The following GRM7 variants were observed in gnomAD, a reference collection of about 807,000 sequenced individuals.
GRM7 encodes the protein metabotropic glutamate receptor 7.
In GRM7, 35 loss-of-function variants were observed where a neutral mutation model predicts 84.5. The observed-to-expected ratio is 0.41, with a 90% CI of 0.32 to 0.55. GRM7 has a LOEUF of 0.55. GRM7 is among the 20% of genes least tolerant of loss of function. The pLI is 0.19. For synonymous variants in GRM7, 487 were observed against 455.1 expected, an observed-to-expected ratio of 1.07 and a Z score of -0.89; for missense variants, 1,003 against 1,194.6, an observed-to-expected ratio of 0.84 and a Z score of 2.36.
At chr3:7,168,488 AC>A (rs1694878769) in intron 2 of GRM7, among the ~76,000 whole-genome samples, 1 of 152,182 alleles carries the variant, frequency 6.6e-6, no homozygotes, top group Non-Finnish European at 1.5e-5. Flanking sequence ...TGCAAGGTAC[AC>A]CAAGAAGGTG....
intron 8 of GRM7, among the ~76,000 whole-genome samples, chr3:7,676,848 T>C (rs1363875113): frequency 6.6e-6 from 1 of 152,216 alleles, no homozygotes. Context: ...CCTAGGACTT[T>C]AGTAGACTAT....
chr3:7,417,618 G>A (rs951666472), intron 5 of GRM7, among the ~76,000 whole-genome samples: 6 of 152,198 alleles, frequency 3.9e-5, no homozygotes, highest in Admixed American at 3.3e-4. Context: ...GAAGATCTGC[G>A]CTGTGAATAC....
intron 7 of GRM7, among the ~76,000 whole-genome samples, chr3:7,558,950 G>C (rs1040451673): frequency 6.6e-6 from 1 of 152,082 alleles, no homozygotes; most frequent in African/African-American, 2.4e-5. Context: ...AACCAGCAAA[G>C]TGGCTAATTT....
intron 9 of GRM7, among the ~76,000 whole-genome samples, chr3:7,715,916 C>A (rs893155190): frequency 2.0e-5 from 3 of 152,140 alleles, no homozygotes; most frequent in African/African-American, 7.2e-5. Context: ...CTCATTTCCA[C>A]CTCCTCCTAA....
At chr3:7,069,514 G>A (rs550544293) in intron 1 of GRM7, among the ~76,000 whole-genome samples, 43 of 152,224 alleles carry the variant, frequency 2.8e-4, no homozygotes, top group Non-Finnish European at 4.9e-4. Flanking sequence ...AGAGCAAGGT[G>A]AGAATTAAGG....
intron 7 of GRM7, among the ~76,000 whole-genome samples, chr3:7,567,843 T>C (rs1056436132): frequency 2.0e-5 from 3 of 149,648 alleles, no homozygotes; most frequent in Non-Finnish European, 4.4e-5. Context: ...GTGAGAGGGT[T>C]TTCAAAATGA....
At chr3:7,299,663 A>G (rs1475906059) in intron 3 of GRM7, among the ~76,000 whole-genome samples, 2 of 152,186 alleles carry the variant, frequency 1.3e-5, no homozygotes, top group African/African-American at 4.8e-5. Flanking sequence ...CACAAATGGT[A>G]GCATGTTGTG....
intron 1 of GRM7, among the ~76,000 whole-genome samples, chr3:6,987,499 C>T (rs964458789): frequency 4.0e-5 from 6 of 151,894 alleles, no homozygotes; most frequent in Non-Finnish European, 7.4e-5. Flanking sequence ...GTTGTGACTT[C>T]GGTAATGAGA....
At chr3:7,112,559 A>G (rs116137023) in intron 1 of GRM7, among the ~76,000 whole-genome samples, 273 of 152,188 alleles carry the variant, frequency 1.8e-3, no homozygotes, top group African/African-American at 6.1e-3. Context: ...TCACATTTTT[A>G]TATCTCTGAC....
intron 1 of GRM7, among the ~76,000 whole-genome samples, chr3:7,140,079 T>C (rs546717723): frequency 1.2e-3 from 175 of 152,102 alleles, no homozygotes; most frequent in African/African-American, 4.2e-3. Flanking sequence ...AGCAAGGAAA[T>C]GCAAATCAAG....
intron 4 of GRM7, among the ~76,000 whole-genome samples, chr3:7,378,751 A>C (rs2324123): frequency 9.9e-5 from 15 of 151,988 alleles, no homozygotes; most frequent in Non-Finnish European, 2.1e-4. Context: ...TTTATTATGA[A>C]GACCCCCATG....
At chr3:7,597,472 C>T (rs766822321) in intron 8 of GRM7, among the ~76,000 whole-genome samples, 9 of 152,096 alleles carry the variant, frequency 5.9e-5, no homozygotes, top group Non-Finnish European at 8.8e-5. Context: ...ACACAAAAAC[C>T]GGCTATAAAT....
At chr3:7,580,420 A>T (rs1375402381) in intron 8 of GRM7, among the ~76,000 whole-genome samples, 5 of 152,188 alleles carry the variant, frequency 3.3e-5, no homozygotes, top group Non-Finnish European at 7.3e-5. Context: ...CAGGGACTCA[A>T]ATGGGAAAAA....
Position 7,350,094 on chromosome 3 carries a change from C to T in GRM7, c.1033+43442C>T, listed in dbSNP as rs115643092. Among the ~76,000 whole-genome samples, 354 of 152,242 alleles carry T rather than the reference C, an allele frequency of 2.3e-3. 4 individuals carry two copies. The highest frequency in any genetic ancestry group is 8.1e-3 in the African/African-American group (338 of 41,568). ...ATTGACCCTTGCGTAAGTACCTAAT[C>T]ACAAAACATAAGGACAATGTTGTTT... On this transcript the variant is annotated intron_variant, in intron 4 of 9. Coordinates refer to ENST00000357716, the MANE Select transcript of GRM7 (RefSeq NM_000844.4).
At chr3:7,426,095 G>GTTCTTTCTTTCTTTCT (rs144628224) in intron 5 of GRM7, among the ~76,000 whole-genome samples, 6 of 150,552 alleles carry the variant, frequency 4.0e-5, no homozygotes, top group East Asian at 2.0e-4. Flanking sequence ...CATATCATAC[G>GTTCTTTCTTTCTTTCT]TTCTTTCTTT....
chr3:7,195,153 T>A (rs576057000), intron 2 of GRM7, among the ~76,000 whole-genome samples: 2 of 152,304 alleles, frequency 1.3e-5, no homozygotes, highest in South Asian at 4.1e-4. Context: ...ACCCCAATAT[T>A]GTTCATGCTA....
intron 4 of GRM7, among the ~76,000 whole-genome samples, chr3:7,339,748 G>A (rs1427384181): frequency 6.6e-6 from 1 of 152,056 alleles, no homozygotes; most frequent in Non-Finnish European, 1.5e-5. Context: ...GTGCTTTGCT[G>A]AATGCTCTCT....
At chr3:7,015,792 T>TGG (rs1347326652) in intron 1 of GRM7, among the ~76,000 whole-genome samples, 1 of 152,308 alleles carries the variant, frequency 6.6e-6, no homozygotes, top group East Asian at 1.9e-4. Flanking sequence ...CCTTACAACA[T>TGG]GGCTTCTCCC....
chr3:7,100,016 G>T (rs1574903676), intron 1 of GRM7, among the ~76,000 whole-genome samples: 2 of 147,746 alleles, frequency 1.4e-5, no homozygotes, highest in South Asian at 4.2e-4. Context: ...GTACATATAT[G>T]TAATATACAT....
Sources: gnomAD v4.1 joint callset for allele counts (sites outside exome capture counted in the v4.1 genomes callset) on GRCh38, gnomAD v4.1.1 for gene constraint, MANE v1.5 for transcripts, NCBI Gene and HGNC (gene_info 2026-07-23, HGNC 2026-07-21) for gene names.